Variants in LRMDA observed in about 807,000 individuals in gnomAD.
LRMDA encodes leucine rich melanocyte differentiation associated.
A neutral mutation model predicts 29.8 loss-of-function variants in LRMDA; 18 were observed. That is an observed-to-expected ratio of 0.60 (90% CI 0.42 to 0.90). The LOEUF (loss-of-function observed/expected upper bound fraction) is 0.90. Among genes scored for constraint, LRMDA ranks in the 40% least tolerant of loss-of-function variants. The probability of loss-of-function intolerance (pLI) is 0.00; values close to 1 mark genes in which losing one functional copy is unlikely to be tolerated. For missense variants in LRMDA, 273 were observed against 273.9 expected, an observed-to-expected ratio of 1.00 and a Z score of 0.02; for synonymous variants, 125 against 109.4, an observed-to-expected ratio of 1.14 and a Z score of -0.89.
intron 2 of LRMDA, among the ~76,000 whole-genome samples, chr10:75,959,207 A>C (rs545425633): frequency 6.6e-6 from 1 of 152,082 alleles, no homozygotes; most frequent in African/African-American, 2.4e-5. Flanking sequence ...CTCCCGCCCC[A>C]TTTCCCCAGT....
At chr10:76,484,980 T>C (rs1365771366) in intron 6 of LRMDA, among the ~76,000 whole-genome samples, 1 of 151,886 alleles carries the variant, frequency 6.6e-6, no homozygotes, top group Non-Finnish European at 1.5e-5. Context: ...CTTTCGTTAG[T>C]ATTAGTGTAT....
chr10:76,349,907 T>C (rs182828541), intron 6 of LRMDA, among the ~76,000 whole-genome samples: 36 of 152,102 alleles, frequency 2.4e-4, no homozygotes, highest in African/African-American at 7.0e-4. Context: ...ACTATACTCA[T>C]AGCATAACAA....
intron 2 of LRMDA, among the ~76,000 whole-genome samples, chr10:76,010,067 T>C (rs1847749167): frequency 6.6e-6 from 1 of 152,052 alleles, no homozygotes; most frequent in South Asian, 2.1e-4. Flanking sequence ...TCCCTCCCCC[T>C]GAAGGTGGCC....
At chr10:75,789,517 T>G (rs1198720512) in intron 2 of LRMDA, among the ~76,000 whole-genome samples, 5 of 152,234 alleles carry the variant, frequency 3.3e-5, no homozygotes, top group Non-Finnish European at 5.9e-5. Flanking sequence ...GGTAGGTGTG[T>G]AAGCTAATTG....
intron 2 of LRMDA, among the ~76,000 whole-genome samples, chr10:75,893,120 G>A (rs566690041): frequency 2.6e-5 from 4 of 152,164 alleles, no homozygotes; most frequent in African/African-American, 2.4e-5. Flanking sequence ...TTTGTACAGC[G>A]TGTGTTTGGT....
chr10:75,531,705 CAAG>C (rs1845480045), intron 2 of LRMDA, among the ~76,000 whole-genome samples: 1 of 152,042 alleles, frequency 6.6e-6, no homozygotes, highest in Non-Finnish European at 1.5e-5. Context: ...AATGTAGATA[CAAG>C]AAATGAGACA....
intron 2 of LRMDA, among the ~76,000 whole-genome samples, chr10:75,811,726 T>G (rs1334587779): frequency 6.6e-6 from 1 of 152,182 alleles, no homozygotes. Context: ...GAGCTCATGC[T>G]CCCATTCCTA....
At chr10:76,147,772 A>G (rs541032051) in intron 5 of LRMDA, among the ~76,000 whole-genome samples, 36 of 152,056 alleles carry the variant, frequency 2.4e-4, no homozygotes, top group African/African-American at 8.7e-4. Context: ...TGCTTTTTAG[A>G]GTTTCCAGTT....
At chr10:75,644,573 C>T (rs1841493015) in intron 2 of LRMDA, among the ~76,000 whole-genome samples, 2 of 152,088 alleles carry the variant, frequency 1.3e-5, no homozygotes, top group South Asian at 4.1e-4. Context: ...AATAAACAGG[C>T]TTCATTAAAT....
intron 2 of LRMDA, among the ~76,000 whole-genome samples, chr10:75,690,978 A>AAT (rs1222064606): frequency 4.2e-4 from 38 of 91,456 alleles, no homozygotes; most frequent in South Asian, 2.3e-3. Flanking sequence ...TTAAAAAAAA[A>AAT]ATATATATAT....
chr10:75,796,610 T>C (rs1445580314), intron 2 of LRMDA, among the ~76,000 whole-genome samples: 3 of 152,242 alleles, frequency 2.0e-5, no homozygotes, highest in Non-Finnish European at 4.4e-5. Flanking sequence ...TTCACTTTTG[T>C]CTCCCAGGCT....
chr10:76,364,763 C>A (rs1372674856), intron 6 of LRMDA, among the ~76,000 whole-genome samples: 2 of 151,600 alleles, frequency 1.3e-5, no homozygotes, highest in African/African-American at 2.4e-5. Flanking sequence ...ATGAGTAAGT[C>A]CTTTAGTGGT....
At chr10:75,834,151 C>T (rs1288304315) in intron 2 of LRMDA, among the ~76,000 whole-genome samples, 1 of 152,160 alleles carries the variant, frequency 6.6e-6, no homozygotes, top group Non-Finnish European at 1.5e-5. Flanking sequence ...TCTAAGCTGA[C>T]AGTATTTCTG....
chr10:76,403,386 A>C (rs1276420765), intron 6 of LRMDA: 1 of 151,768 alleles, frequency 6.6e-6, no homozygotes, highest in Admixed American at 6.6e-5. Flanking sequence ...CCAAGAAGTC[A>C]AAGTCCTAAT....
At chr10:75,817,773 C>T (rs974742958) in intron 2 of LRMDA, among the ~76,000 whole-genome samples, 23 of 152,124 alleles carry the variant, frequency 1.5e-4, no homozygotes, top group Admixed American at 1.2e-3. Flanking sequence ...GCTATAGTAT[C>T]GGAGAACCAG....
chr10:75,803,312 C>T (rs1394656156), intron 2 of LRMDA, among the ~76,000 whole-genome samples: 3 of 152,172 alleles, frequency 2.0e-5, no homozygotes, highest in Non-Finnish European at 2.9e-5. Flanking sequence ...TCACTTAGCT[C>T]ATAATATGGT....
chr10:76,332,573 T>A (rs116123373), intron 6 of LRMDA, among the ~76,000 whole-genome samples: 2,631 of 152,222 alleles, frequency 0.017, 80 homozygotes, highest in African/African-American at 0.058. Flanking sequence ...TGACAACTCT[T>A]CCCCCAACAG....
chr10:75,490,702 T>C (rs1252168235), intron 2 of LRMDA, among the ~76,000 whole-genome samples: 1 of 152,224 alleles, frequency 6.6e-6, no homozygotes, highest in East Asian at 1.9e-4. Context: ...GATTTTGGGA[T>C]ATCTGCCTGC....
rs556953066 is a variant in LRMDA, at chr10:75,787,896, G to T, written c.132-248112G>T. Among the ~76,000 whole-genome samples, 17 of 152,062 alleles carry T rather than the reference G, an allele frequency of 1.1e-4. No individual in the cohort carries two copies. In the South Asian group the frequency reaches 3.6e-3, roughly 32 times the overall value. On this transcript the variant is annotated intron_variant, in intron 2 of 6. Transcript: ENST00000611255. ...TACAAAAAATTAGCTGGGCATGGTGGTGGGCACCTGTAGTCCCAGCTACTT... is the reference window on the plus strand; with the variant it reads ...TACAAAAAATTAGCTGGGCATGGTGTTGGGCACCTGTAGTCCCAGCTACTT...
Sources: gnomAD v4.1 joint callset for allele counts (sites outside exome capture counted in the v4.1 genomes callset) on GRCh38, gnomAD v4.1.1 for gene constraint, MANE v1.5 for transcripts, NCBI Gene and HGNC (gene_info 2026-07-23, HGNC 2026-07-21) for gene names.